UNC80: variants seen among roughly 807,000 people sequenced by gnomAD.
The protein encoded by UNC80 is unc-80 subunit of NALCN channel complex.
Under a neutral mutation model 384.6 loss-of-function variants are expected in UNC80, and 164 were observed. The ratio of observed to expected loss-of-function variants is 0.43; its 90% CI spans 0.38 to 0.49. The LOEUF is 0.49. Among genes scored for constraint, UNC80 ranks in the 20% least tolerant of loss-of-function variants. The pLI, the probability that UNC80 is intolerant of heterozygous loss-of-function variation, is 0.00. For missense variants in UNC80, 3,330 were observed against 4,143.0 expected, an observed-to-expected ratio of 0.80 and a Z score of 5.39; for synonymous variants, 1,486 against 1,527.8, an observed-to-expected ratio of 0.97 and a Z score of 0.64.
chr2:209,774,479 G>GAT lies in UNC80; in HGVS notation c.141+1348_141+1349dup, dbSNP rs200476353. Among the ~76,000 whole-genome samples the GAT allele has an allele frequency of 4.2e-4, 64 of 151,870 alleles. No individual in the cohort carries two copies. The East Asian group carries it at 4.4e-3, about 11-fold the overall frequency. On this transcript the variant is annotated intron_variant, in intron 2 of 64. Transcript: ENST00000673920. Reference sequence around the variant, plus strand: ...AAAGTTACGTTAATAGATAGGGATAGATATATATATATCTCAATATAGAAA... The same window carrying GAT: ...AAAGTTACGTTAATAGATAGGGATAGATATATATATATATCTCAATATAGAAA...
rs559691848 is a variant in UNC80, at chr2:209,987,761, A to G, written c.9314+2849A>G. On this transcript the variant is annotated intron_variant, in intron 61 of 64. Coordinates refer to ENST00000673920, the MANE Select transcript of UNC80 (RefSeq NM_001371986.1). The stretch of plus-strand genomic sequence containing the variant: ...AAAATAAAAATGTTTGAACAAGACT[A>G]TATAGTCTAGGTGAAAAGAAAGAAA... Among the ~76,000 whole-genome samples the G allele has an allele frequency of 5.3e-5, 8 of 152,298 alleles. No homozygotes were observed. The East Asian group carries it at 1.5e-3, about 29-fold the overall frequency.
chr2:209,936,809 T>G (rs1253127669), intron 40 of UNC80, 35 bp from the exon 41 acceptor site: 2 of 1,426,958 alleles, frequency 1.4e-6, no homozygotes, highest in East Asian at 2.5e-5. Flanking sequence ...ATCTTCCTGA[T>G]AAACATTTAT....
In UNC80 at chr2:209,904,946, G is replaced by C; in HGVS notation, c.4763G>C (p.Arg1588Pro). 1 of 1,551,626 alleles carries C rather than the reference G, an allele frequency of 6.4e-7. No individual in the cohort carries two copies. Among genetic ancestry groups the C allele is most frequent in the Non-Finnish European group, 8.7e-7 (1 of 1,146,976 alleles). Residue 1588 changes from arginine to proline, a missense_variant, in exon 29 of 65, where the codon CGG (arginine) becomes CCG (proline). By Grantham distance (103) the Arg-to-Pro change is moderately radical. Around this residue, in one of 8 missense-constraint regions of UNC80, gnomAD observed 801 missense variants for 950.8 expected, o/e 0.84. Transcript: ENST00000673920. ...AGCAACATCAGCAGTGTGGCTCTCC[G>C]GGGCAAGAAACAGAAAGAAGTAAGT... ...ESSNISSVAL[R>P]GKKQKECSDK...
chr2:209,860,278 G>A (rs528572910), intron 22 of UNC80, among the ~76,000 whole-genome samples: 3 of 152,176 alleles, frequency 2.0e-5, no homozygotes, highest in South Asian at 2.1e-4. Flanking sequence ...ACCATTTACC[G>A]AATAGGAAAT....
chr2:209,988,189 T>A lies in UNC80; in HGVS notation c.9314+3277T>A, dbSNP rs528315040. 2.0e-4 allele frequency among the ~76,000 whole-genome samples: 30 copies of A among 152,178 alleles called. 1 individual carries two copies. Among genetic ancestry groups the A allele is most frequent in the Non-Finnish European group, 3.8e-4 (26 of 68,028 alleles). The stretch of plus-strand genomic sequence containing the variant: ...CAGATACCTTATCGCTCCCGTGAAG[T>A]GCTGGCTTCATGCATTCCTATCACA... On this transcript the variant is annotated intron_variant, in intron 61 of 64. Coordinates refer to ENST00000673920, the MANE Select transcript of UNC80 (RefSeq NM_001371986.1).
intron 7 of UNC80, among the ~76,000 whole-genome samples, chr2:209,808,518 C>T (rs1361548376): frequency 1.5e-5 from 2 of 135,784 alleles, no homozygotes; most frequent in African/African-American, 5.8e-5. Flanking sequence ...GCCGATATCG[C>T]GCCACTAAAA....
Position 209,973,144 on chromosome 2 carries a change from A to G in UNC80, c.8461A>G (p.Ser2821Gly), listed in dbSNP as rs201695718. 3.2e-4 allele frequency: 503 copies of G among 1,551,468 alleles called. No homozygotes were observed. The highest frequency in any genetic ancestry group is 4.2e-4 in the Non-Finnish European group (487 of 1,146,994). ...INVLLPPRII[S>G]TSRSKNFMLE... The stretch of plus-strand genomic sequence containing the variant: ...TGTACTCCTCCCACCGCGGATCATC[A>G]GCACATCCAGGAGCAAGAACTTCAT... The change falls in exon 56 of 65, where the codon AGC (serine) becomes GGC (glycine). Residue 2821 changes from serine (S) to glycine (G), a missense_variant. By Grantham distance (56) the Ser-to-Gly change is moderately conservative. Transcript: ENST00000673920.
intron 7 of UNC80, 149 bp from the exon 8 acceptor site, chr2:209,813,431 C>G (rs2079508993): frequency 2.6e-6 from 2 of 773,744 alleles, no homozygotes; most frequent in African/African-American, 3.5e-5. Context: ...ATGAGAGAGA[C>G]CAGTTGGAAG....
At position 209,957,043 on chromosome 2, in the gene UNC80, C is replaced by T. The variant is rs559981305; in HGVS notation, c.7458-601C>T. Among the ~76,000 whole-genome samples, 7 of 152,186 alleles carry T rather than the reference C, an allele frequency of 4.6e-5. No homozygotes were observed. In the South Asian group the frequency reaches 1.5e-3, roughly 32 times the overall value. On this transcript the variant is annotated intron_variant, in intron 48 of 64. Coordinates refer to ENST00000673920, the MANE Select transcript of UNC80 (RefSeq NM_001371986.1). ...GATGCCAATACAGAGGCAAATTTTACCTATTATTTGAAGTAAATCTGGCAG... is the reference window on the plus strand; with the variant it reads ...GATGCCAATACAGAGGCAAATTTTATCTATTATTTGAAGTAAATCTGGCAG...
At chr2:209,811,349 G>A (rs768221323) in intron 7 of UNC80, among the ~76,000 whole-genome samples, 4 of 152,122 alleles carry the variant, frequency 2.6e-5, no homozygotes, top group African/African-American at 4.8e-5. Flanking sequence ...AAGGGAGCTT[G>A]CATTTTATTC....
rs1448362197 is a variant in UNC80 at position 209,976,397 on chromosome 2, C to T, written c.8772+94C>T. The T allele has an allele frequency of 6.8e-7, 1 of 1,476,578 alleles. No homozygotes were observed. The highest frequency in any genetic ancestry group is 9.2e-7 in the Non-Finnish European group (1 of 1,088,938). 91.5% of individuals were successfully genotyped at this position (1,476,578 alleles called of 1,614,324 possible). A position where few individuals can be genotyped will look rare whatever the true frequency, so the allele number is the denominator to read the frequency against. On this transcript the variant is annotated intron_variant, in intron 57 of 64. Coordinates refer to ENST00000673920, the MANE Select transcript of UNC80 (RefSeq NM_001371986.1). This position sits in a 1 kb window ranked among gnomAD's most constrained non-coding sequence, Gnocchi z 4.3. ...GAATATGGCAGGAGTGCTCATGGTA[C>T]CTACTGTTGCCAGTTAGTAGGGCCT...
intron 4 of UNC80, among the ~76,000 whole-genome samples, chr2:209,778,292 C>T (rs374065399): frequency 5.3e-5 from 8 of 152,158 alleles, no homozygotes; most frequent in Admixed American, 2.6e-4. Context: ...CCCAGCTACT[C>T]GGGAGGCTGA....
intron 25 of UNC80, among the ~76,000 whole-genome samples, chr2:209,887,243 T>C (rs533983453): frequency 3.6e-4 from 55 of 152,138 alleles, no homozygotes; most frequent in Non-Finnish European, 5.9e-5. Flanking sequence ...TTCTCGATGT[T>C]GGTCAGGCTG....
intron 25 of UNC80, among the ~76,000 whole-genome samples, chr2:209,884,020 T>C (rs958603508): frequency 2.1e-4 from 32 of 152,002 alleles, no homozygotes; most frequent in African/African-American, 7.0e-4. Context: ...CTTCCCCCCC[T>C]CCCCCACAAA....
chr2:209,858,279 GAT>G (rs891165690), intron 22 of UNC80, among the ~76,000 whole-genome samples: 52 of 152,266 alleles, frequency 3.4e-4, no homozygotes, highest in African/African-American at 1.2e-3. Flanking sequence ...TCTACCTTAA[GAT>G]ATGTTTTTCT....
rs1467630889 is a variant in UNC80 at position 209,849,531 on chromosome 2, C to T, written c.3535C>T (p.Arg1179Ter). ...SKNVVNLGAI[R>*]QGMKRFQFLL... ...AAACGTGGTGAATCTTGGAGCAATCCGACAAGGCATGAAACGCTTCCAATT... is the reference window on the plus strand; with the variant it reads ...AAACGTGGTGAATCTTGGAGCAATCTGACAAGGCATGAAACGCTTCCAATT... Residue 1179 changes from arginine to a stop codon, truncating the protein, a stop_gained, in exon 22 of 65, where the codon CGA becomes TGA. Transcript: ENST00000673920. LOFTEE classifies it high-confidence loss of function. 6.4e-7 allele frequency: 1 copy of T among 1,550,910 alleles called. No homozygotes were observed. Among genetic ancestry groups the T allele is most frequent in the Admixed American group, 2.0e-5 (1 of 50,930 alleles).
intron 47 of UNC80, among the ~76,000 whole-genome samples, chr2:209,946,274 G>A (rs1267259671): frequency 6.6e-6 from 1 of 151,846 alleles, no homozygotes; most frequent in Admixed American, 6.6e-5. Flanking sequence ...GAGGCTTGAG[G>A]CAGGAGGATT....
intron 59 of UNC80, among the ~76,000 whole-genome samples, chr2:209,980,919 C>A (rs1007416159): frequency 2.0e-5 from 3 of 152,154 alleles, no homozygotes; most frequent in African/African-American, 7.2e-5. Flanking sequence ...TATCCTACCA[C>A]ATTTTTTATA....
Position 209,941,203 on chromosome 2 carries a change from T to C in UNC80, c.6647-18T>C. 6.7e-7 allele frequency: 1 copy of C among 1,488,310 alleles called. No homozygotes were observed. Among genetic ancestry groups the C allele is most frequent in the Non-Finnish European group, 9.0e-7 (1 of 1,107,170 alleles). The allele number at this position is 1,488,310 out of a possible 1,614,324, so 92.2% of individuals were successfully genotyped here. A position where few individuals can be genotyped will look rare whatever the true frequency, so the allele number is the denominator to read the frequency against. On this transcript the variant is annotated intron_variant, in intron 43 of 64. Coordinates refer to ENST00000673920, the MANE Select transcript of UNC80 (RefSeq NM_001371986.1). ...GGTGTGGGGCTAATTCTGTCTCTGCTGTTTCATGTTCTCACAGCTGGAAAG... is the reference window on the plus strand; with the variant it reads ...GGTGTGGGGCTAATTCTGTCTCTGCCGTTTCATGTTCTCACAGCTGGAAAG...
Sources: gnomAD v4.1 joint callset for allele counts (sites outside exome capture counted in the v4.1 genomes callset) on GRCh38, gnomAD v4.1.1 for gene constraint, gnomAD v4.1.1 regional missense constraint, Gnocchi (gnomAD v3.1) non-coding constraint, MANE v1.5 for transcripts, NCBI Gene and HGNC (gene_info 2026-07-23, HGNC 2026-07-21) for gene names.